The following MYT1L variants were observed in gnomAD, a reference collection of about 807,000 sequenced individuals.
MYT1L encodes the protein myelin transcription factor 1-like protein.
In MYT1L, 12 loss-of-function variants were observed where a neutral mutation model predicts 126.7. The observed-to-expected ratio is 0.09, with a 90% CI of 0.06 to 0.15. MYT1L has a LOEUF of 0.15. Among genes scored for constraint, MYT1L ranks in the 10% least tolerant of loss-of-function variants. MYT1L has a pLI of 1.00. For missense variants in MYT1L, 979 were observed against 1,585.2 expected, an observed-to-expected ratio of 0.62 and a Z score of 6.49; for synonymous variants, 541 against 604.2, an observed-to-expected ratio of 0.90 and a Z score of 1.53.
At chr2:1,956,429 T>C (rs201328689) in intron 8 of MYT1L, among the ~76,000 whole-genome samples, 17,427 of 140,420 alleles carry the variant, frequency 0.12, 3,660 homozygotes, top group East Asian at 0.34. Flanking sequence ...TATCTATCTA[T>C]CTATCTATCT....
intron 3 of MYT1L, among the ~76,000 whole-genome samples, chr2:2,133,017 C>T (rs984936309): frequency 2.6e-5 from 4 of 152,160 alleles, no homozygotes; most frequent in African/African-American, 4.8e-5. Context: ...TGAAAGATGT[C>T]ATAACAAGGA....
chr2:2,127,730 C>A (rs558734199), intron 3 of MYT1L, among the ~76,000 whole-genome samples: 1 of 152,276 alleles, frequency 6.6e-6, no homozygotes, highest in Non-Finnish European at 1.5e-5. Context: ...GACCACTGAG[C>A]AAAGATGAGG....
At chr2:2,232,502 T>C (rs1416672900) in intron 2 of MYT1L, among the ~76,000 whole-genome samples, 2 of 152,248 alleles carry the variant, frequency 1.3e-5, no homozygotes, top group Non-Finnish European at 2.9e-5. Flanking sequence ...TAGGTGCCTC[T>C]GTAGCATGGG....
intron 2 of MYT1L, among the ~76,000 whole-genome samples, chr2:2,220,196 A>AAC (rs1000955445): frequency 1.3e-4 from 20 of 152,194 alleles, no homozygotes; most frequent in Non-Finnish European, 2.5e-4. Flanking sequence ...GGGTCCTGAG[A>AAC]ACATGTGCCC....
At chr2:2,328,507 C>T (rs558187396) in intron 1 of MYT1L, among the ~76,000 whole-genome samples, 2 of 152,220 alleles carry the variant, frequency 1.3e-5, no homozygotes, top group Admixed American at 6.5e-5. Context: ...CATATGTGGT[C>T]ACAAATCATT....
rs1160722069 is a variant in MYT1L, at chr2:1,801,413, AG to A, written c.3276+282del. On this transcript the variant is annotated intron_variant, in intron 23 of 24. Coordinates refer to ENST00000647738, the MANE Select transcript of MYT1L (RefSeq NM_001303052.2). This position sits in a 1 kb window ranked among gnomAD's most constrained non-coding sequence, Gnocchi z 4.2. ...TGGAAGGAAAACCTTCATTGTTTGCAGGAACAGGCGATCCTCTGAAAATGCC... is the reference window on the plus strand; with the variant it reads ...TGGAAGGAAAACCTTCATTGTTTGCAGAACAGGCGATCCTCTGAAAATGCC... 6.4e-6 allele frequency: 2 copies of A among 312,816 alleles called. No homozygotes were observed. The highest frequency in any genetic ancestry group is 1.2e-5 in the Non-Finnish European group (2 of 172,840). 19.4% of individuals were successfully genotyped at this position (312,816 alleles called of 1,614,324 possible).
At chr2:1,860,843 A>T in intron 18 of MYT1L, among the ~76,000 whole-genome samples, 1 of 152,074 alleles carries the variant, frequency 6.6e-6, no homozygotes, top group East Asian at 1.9e-4. Flanking sequence ...GGGGGCTGGG[A>T]GCGGTTCTTT....
intron 17 of MYT1L, 77 bp from the exon 18 acceptor site, chr2:1,886,684 G>A (rs1422790841): frequency 2.0e-5 from 20 of 1,009,534 alleles, no homozygotes; most frequent in African/African-American, 1.2e-4. Flanking sequence ...CATAAAAACC[G>A]AAATTAAAGA....
At chr2:2,300,353 C>CAGTGGA (rs896559474) in intron 1 of MYT1L, among the ~76,000 whole-genome samples, 5 of 152,128 alleles carry the variant, frequency 3.3e-5, no homozygotes, top group African/African-American at 1.2e-4. Context: ...TCATAGAAAA[C>CAGTGGA]AGTGGAAGCA....
At chr2:2,157,821 G>A (rs912363154) in intron 3 of MYT1L, among the ~76,000 whole-genome samples, 1 of 152,160 alleles carries the variant, frequency 6.6e-6, no homozygotes, top group African/African-American at 2.4e-5. Flanking sequence ...CACACCAGCA[G>A]GTCTTTGGGC....
At chr2:1,973,552 GT>G (rs1354206260) in intron 8 of MYT1L, among the ~76,000 whole-genome samples, 1 of 152,184 alleles carries the variant, frequency 6.6e-6, no homozygotes, top group Non-Finnish European at 1.5e-5. Flanking sequence ...TTGCAGACAT[GT>G]TGACATGCGA....
intron 1 of MYT1L, among the ~76,000 whole-genome samples, chr2:2,318,750 T>C (rs1212034644): frequency 1.3e-5 from 2 of 152,184 alleles, no homozygotes; most frequent in Admixed American, 1.3e-4. Context: ...CTGAGCAAAT[T>C]ATTAAGATTT....
chr2:2,231,163 T>C (rs1234716958), intron 2 of MYT1L, among the ~76,000 whole-genome samples: 3 of 152,240 alleles, frequency 2.0e-5, no homozygotes, highest in Admixed American at 6.5e-5. Context: ...TCCCAGACTA[T>C]TGAGCTGGAT....
At chr2:2,038,655 CTTGT>C (rs1397318396) in intron 4 of MYT1L, among the ~76,000 whole-genome samples, 3 of 151,808 alleles carry the variant, frequency 2.0e-5, no homozygotes, top group African/African-American at 7.3e-5. Context: ...TGTGACGTTG[CTTGT>C]TTGCTTAGAA....
Position 2,034,228 on chromosome 2 carries a change from G to A in MYT1L, c.-158+19750C>T, listed in dbSNP as rs140339290. Among the ~76,000 whole-genome samples, 77 of 152,264 alleles carry A rather than the reference G, an allele frequency of 5.1e-4. 1 individual carries two copies. The East Asian group carries it at 0.01, about 21-fold the overall frequency. ...CCTCAAAGTTATGTCCAGCCGACTC[G>A]GCATCTCTATGAACACCCACAACTT... On this transcript the variant is annotated intron_variant, in intron 4 of 24. Coordinates refer to ENST00000647738, the MANE Select transcript of MYT1L (RefSeq NM_001303052.2).
chr2:1,992,876 C>G lies in MYT1L; in HGVS notation c.-1+4315G>C, dbSNP rs537511832. Reference sequence around the variant, plus strand: ...AGATTCTGACCCTCCCTAAGCTGCTCCTAAGACCAGTGTTCTGATATTTTG... The same window carrying G: ...AGATTCTGACCCTCCCTAAGCTGCTGCTAAGACCAGTGTTCTGATATTTTG... On this transcript the variant is annotated intron_variant, in intron 5 of 24. Coordinates refer to ENST00000647738, the MANE Select transcript of MYT1L (RefSeq NM_001303052.2). Among the ~76,000 whole-genome samples the G allele has an allele frequency of 8.5e-5, 13 of 152,260 alleles. No individual in the cohort carries two copies. The East Asian group carries it at 2.5e-3, about 29-fold the overall frequency.
intron 5 of MYT1L, among the ~76,000 whole-genome samples, chr2:1,993,862 G>C (rs535721427): frequency 6.6e-6 from 1 of 152,246 alleles, no homozygotes; most frequent in East Asian, 1.9e-4. Context: ...TGGCCCCCAG[G>C]GAGGGTAAGC....
At chr2:1,799,997 C>T (rs1558590950) in intron 23 of MYT1L, among the ~76,000 whole-genome samples, 1 of 152,180 alleles carries the variant, frequency 6.6e-6, no homozygotes, top group African/African-American at 2.4e-5. Context: ...TTCCTGAGGC[C>T]TCCCCAGCCA....
At chr2:2,097,571 T>C (rs2077577688) in intron 3 of MYT1L, among the ~76,000 whole-genome samples, 1 of 152,130 alleles carries the variant, frequency 6.6e-6, no homozygotes, top group African/African-American at 2.4e-5. Flanking sequence ...CAGAGGGTTT[T>C]TACACAGTGG....
Sources: gnomAD v4.1 joint callset for allele counts (sites outside exome capture counted in the v4.1 genomes callset) on GRCh38, gnomAD v4.1.1 for gene constraint, Gnocchi (gnomAD v3.1) non-coding constraint, MANE v1.5 for transcripts, NCBI Gene and HGNC (gene_info 2026-07-23, HGNC 2026-07-21) for gene names.